H2BN1: variants seen among roughly 807,000 people sequenced by gnomAD.
The protein encoded by H2BN1 is histone H2B.N.
the H2BN1 span, among the ~76,000 whole-genome samples, chr17:32,898,971 G>T: frequency 6.6e-6 from 1 of 152,098 alleles, no homozygotes; most frequent in Non-Finnish European, 1.5e-5. Flanking sequence ...TGTGGGGGAA[G>T]AAAAAATTGA....
the H2BN1 span, among the ~76,000 whole-genome samples, chr17:32,902,406 AGAT>A: frequency 6.6e-6 from 1 of 152,240 alleles, no homozygotes; most frequent in Non-Finnish European, 1.5e-5. Context: ...TTTGAAACAA[AGAT>A]GATAACAAAC....
chr17:32,896,539 G>A, the H2BN1 span, among the ~76,000 whole-genome samples: 1 of 152,148 alleles, frequency 6.6e-6, no homozygotes, highest in African/African-American at 2.4e-5. Context: ...GAGTGTTCAC[G>A]TGTGTCATAC....
the H2BN1 span, among the ~76,000 whole-genome samples, chr17:32,902,778 T>TG: frequency 2.0e-5 from 3 of 151,922 alleles, no homozygotes; most frequent in Non-Finnish European, 4.4e-5. Flanking sequence ...AGGCGGAGCT[T>TG]GCAGTGAGCC....
chr17:32,899,543 C>G, the H2BN1 span, among the ~76,000 whole-genome samples: 10 of 152,166 alleles, frequency 6.6e-5, no homozygotes, highest in Non-Finnish European at 1.3e-4. Context: ...GAAAGCACAC[C>G]ATTCCAGTCA....
At chr17:32,898,822 T>C in the H2BN1 span, among the ~76,000 whole-genome samples, 6 of 152,208 alleles carry the variant, frequency 3.9e-5, no homozygotes, top group African/African-American at 9.6e-5. Context: ...GTCCATACTT[T>C]AGTAGGCAGG....
At chr17:32,902,826 C>T in the H2BN1 span, among the ~76,000 whole-genome samples, 5 of 139,278 alleles carry the variant, frequency 3.6e-5, no homozygotes, top group South Asian at 2.3e-4. Context: ...GGCGACAGAG[C>T]GAGACTCCAT....
At chr17:32,904,614 A>G in the H2BN1 span, among the ~76,000 whole-genome samples, 1 of 152,222 alleles carries the variant, frequency 6.6e-6, no homozygotes, top group Admixed American at 6.5e-5. Context: ...CAAAGAAAAC[A>G]GAACACCCCA....
the H2BN1 span, among the ~76,000 whole-genome samples, chr17:32,902,657 G>A: frequency 1.3e-5 from 2 of 152,074 alleles, no homozygotes; most frequent in Admixed American, 6.6e-5. Context: ...TTCATAACAT[G>A]GTGAAACCCC....
At chr17:32,900,937 G>A in the H2BN1 span, among the ~76,000 whole-genome samples, 4 of 152,038 alleles carry the variant, frequency 2.6e-5, no homozygotes, top group African/African-American at 9.7e-5. Context: ...GCCAGGTGTG[G>A]TGACTCAAGC....
At chr17:32,903,316 C>T in the H2BN1 span, among the ~76,000 whole-genome samples, 1 of 151,792 alleles carries the variant, frequency 6.6e-6, no homozygotes, top group African/African-American at 2.4e-5. Flanking sequence ...TTCTTAACAA[C>T]CTGTTTTATT....
the H2BN1 span, among the ~76,000 whole-genome samples, chr17:32,896,588 T>A: frequency 6.6e-6 from 1 of 152,158 alleles, no homozygotes; most frequent in African/African-American, 2.4e-5. Context: ...CTAGAATCTG[T>A]TGCTTATCTT....
chr17:32,897,609 G>A, the H2BN1 span, among the ~76,000 whole-genome samples: 4 of 152,216 alleles, frequency 2.6e-5, no homozygotes, highest in African/African-American at 9.6e-5. Flanking sequence ...TTCTCAGTGG[G>A]AGGAGGAACT....
chr17:32,896,039 A>G, the H2BN1 span, among the ~76,000 whole-genome samples: 1 of 150,976 alleles, frequency 6.6e-6, no homozygotes, highest in Non-Finnish European at 1.5e-5. Flanking sequence ...ATGAGACTAT[A>G]AGCCCACGCC....
chr17:32,903,812 G>A, the H2BN1 span, among the ~76,000 whole-genome samples: 1 of 152,170 alleles, frequency 6.6e-6, no homozygotes. Context: ...TGTTCAAAAG[G>A]AGGTCATTCT....
At chr17:32,900,394 T>C in the H2BN1 span, among the ~76,000 whole-genome samples, 1 of 152,222 alleles carries the variant, frequency 6.6e-6, no homozygotes, top group Non-Finnish European at 1.5e-5. Flanking sequence ...AAAGACAAAA[T>C]TTATAATTTG....
the H2BN1 span, among the ~76,000 whole-genome samples, chr17:32,903,216 C>T: frequency 2.0e-5 from 3 of 151,456 alleles, no homozygotes; most frequent in East Asian, 5.8e-4. Flanking sequence ...ATATACAACA[C>T]ATAAATACAT....
the H2BN1 span, among the ~76,000 whole-genome samples, chr17:32,901,510 G>A: frequency 6.6e-6 from 1 of 152,126 alleles, no homozygotes; most frequent in Non-Finnish European, 1.5e-5. Context: ...CAGGAATGTA[G>A]TTTATTTTAA....
chr17:32,896,247 T>C, the H2BN1 span, among the ~76,000 whole-genome samples: 1 of 152,192 alleles, frequency 6.6e-6, no homozygotes, highest in South Asian at 2.1e-4. Flanking sequence ...TCTCCTTTTC[T>C]TGTAAAGCGG....
chr17:32,898,394 T>C, the H2BN1 span, among the ~76,000 whole-genome samples: 2 of 152,210 alleles, frequency 1.3e-5, no homozygotes, highest in African/African-American at 2.4e-5. Context: ...TTGTATTCTA[T>C]TGAGTTTCTG....
Sources: gnomAD v4.1 joint callset for allele counts (sites outside exome capture counted in the v4.1 genomes callset) on GRCh38, gnomAD v4.1.1 for gene constraint, MANE v1.5 for transcripts, NCBI Gene and HGNC (gene_info 2026-07-23, HGNC 2026-07-21) for gene names.